NRBP1: variants seen among roughly 807,000 people sequenced by gnomAD.
NRBP1 encodes nuclear receptor-binding protein.
A neutral mutation model predicts 76.0 loss-of-function variants in NRBP1; 10 were observed. The observed-to-expected ratio is 0.13, with a 90% CI of 0.08 to 0.22. NRBP1 has a LOEUF of 0.22. Among genes scored for constraint, NRBP1 ranks in the 10% least tolerant of loss-of-function variants. NRBP1 has a pLI of 1.00. For missense variants in NRBP1, 344 were observed against 646.0 expected, an observed-to-expected ratio of 0.53 and a Z score of 5.07; for synonymous variants, 235 against 240.2, an observed-to-expected ratio of 0.98 and a Z score of 0.20.
In NRBP1 at chr2:27,442,079, T is replaced by C; in HGVS notation, c.*267T>C. On this transcript the variant is annotated 3_prime_UTR_variant, in exon 18 of 18. Transcript: ENST00000379852. ...CTTCTAGTTGGGGGCTAGTCGCTGATCTGCCGGCTCCCGCCCAGCCTGTGT... is the reference window on the plus strand; with the variant it reads ...CTTCTAGTTGGGGGCTAGTCGCTGACCTGCCGGCTCCCGCCCAGCCTGTGT... 1 of 534,070 alleles carries C rather than the reference T, an allele frequency of 1.9e-6. No homozygotes were observed. Among genetic ancestry groups the C allele is most frequent in the Non-Finnish European group, 3.3e-6 (1 of 305,488 alleles). The allele number at this position is 534,070 out of a possible 1,614,324, so 33.1% of individuals were successfully genotyped here.
chr2:27,431,738 G>A (rs1344800721), intron 1 of NRBP1: 1 of 152,272 alleles, frequency 6.6e-6, no homozygotes, highest in Non-Finnish European at 1.5e-5. Context: ...ATTAGCCAAG[G>A]GTTTCAGCTG....
rs568416130 is a variant in NRBP1 at position 27,434,707 on chromosome 2, C to T, written c.526-15C>T. ...AGGGAATTACTGCTGACCCTTGGAT[C>T]CAACTTTGTTCCAGGCATGGAAGCG... On this transcript the variant is annotated splice_polypyrimidine_tract_variant and intron_variant, in intron 5 of 17. Transcript: ENST00000379852. The T allele has an allele frequency of 8.7e-6, 14 of 1,614,146 alleles. No homozygotes were observed. Among genetic ancestry groups the T allele is most frequent in the African/African-American group, 1.3e-5 (1 of 75,048 alleles).
rs1308658497 is a variant in NRBP1 at position 27,440,479 on chromosome 2, A to G, written c.1113A>G (p.Ala371=). Residue 371 remains alanine, a synonymous_variant, in exon 12 of 18, where the codon GCA becomes GCG. Transcript: ENST00000379852. ...GTGCCGTACTGGCTGAAATCCCTGCAGGACCAGGAAGAGAACCAGTTCAGA... is the reference window on the plus strand; with the variant it reads ...GTGCCGTACTGGCTGAAATCCCTGCGGGACCAGGAAGAGAACCAGTTCAGA... ...DTSAVLAEIP[A]GPGREPVQTL... 1.2e-6 allele frequency: 2 copies of G among 1,614,148 alleles called. No individual in the cohort carries two copies. The highest frequency in any genetic ancestry group is 1.7e-6 in the Non-Finnish European group (2 of 1,179,970).
chr2:27,435,213 T>C lies in NRBP1; in HGVS notation c.647T>C (p.Ile216Thr). 1 of 1,613,826 alleles carries C rather than the reference T, an allele frequency of 6.2e-7. No individual in the cohort carries two copies. ...ATCTTCATCCAGCACAACGGACTCA[T>C]CAAGATTGGCTCTGGTGAGGGGAGG... ...DTIFIQHNGL[I>T]KIGSVAPDTI... Residue 216 changes from isoleucine to threonine, a missense_variant, in exon 7 of 18, where the codon ATC becomes ACC. Around this residue, in one of 3 missense-constraint regions of NRBP1, gnomAD observed 73 missense variants for 287.8 expected, o/e 0.25. Transcript: ENST00000379852.
upstream of NRBP1, chr2:27,428,592 TC>T (rs570680013): frequency 2.6e-3 from 1,024 of 396,740 alleles, 2 homozygotes; most frequent in Middle Eastern, 4.4e-3. Context: ...GCACCGCCCA[TC>T]GTTGGTCCGG....
At position 27,442,157 on chromosome 2, in the gene NRBP1, G is replaced by GCGGC. The variant is rs1282156137; in HGVS notation, c.*349_*352dup. The GCGGC allele has an allele frequency of 1.9e-6, 1 of 530,918 alleles. No individual in the cohort carries two copies. The highest frequency in any genetic ancestry group is 2.0e-5 in the African/African-American group (1 of 49,518). The allele number at this position is 530,918 out of a possible 1,614,324, so 32.9% of individuals were successfully genotyped here. A position where few individuals can be genotyped will look rare whatever the true frequency, so the allele number is the denominator to read the frequency against. On this transcript the variant is annotated 3_prime_UTR_variant, in exon 18 of 18. Transcript: ENST00000379852. ...AGCCGAATTCTACAATCCCGCTGGG[G>GCGGC]CGGCCGGGGCGGGAGAGAAAGGTGG...
chr2:27,435,905 T>C lies in NRBP1; in HGVS notation c.661+678T>C, dbSNP rs1664289051. The C allele has an allele frequency of 1.1e-5, 7 of 665,458 alleles. No individual in the cohort carries two copies. In the South Asian group the frequency reaches 1.1e-4, roughly 11 times the overall value. The allele number at this position is 665,458 out of a possible 1,614,324, so 41.2% of individuals were successfully genotyped here. A position where few individuals can be genotyped will look rare whatever the true frequency, so the allele number is the denominator to read the frequency against. Reference sequence around the variant, plus strand: ...TCTGCCCTGCCAGCCCTCCGCCTGCTTGCCCCTTCATAACCTGCTTGTTTC... The same window carrying C: ...TCTGCCCTGCCAGCCCTCCGCCTGCCTGCCCCTTCATAACCTGCTTGTTTC... On this transcript the variant is annotated intron_variant, in intron 7 of 17. Coordinates refer to ENST00000379852, the MANE Select transcript of NRBP1 (RefSeq NM_013392.4).
At chr2:27,435,421 C>A (rs1205715953) in intron 7 of NRBP1, among the ~76,000 whole-genome samples, 194 bp downstream of exon 7, 1 of 152,062 alleles carries the variant, frequency 6.6e-6, no homozygotes, top group Non-Finnish European at 1.5e-5. Context: ...TATAATCTTA[C>A]ACCTTTTTGA....
chr2:27,437,385 T>C, intron 10 of NRBP1, 25 bp downstream of exon 10: 1 of 1,531,756 alleles, frequency 6.5e-7, no homozygotes, highest in Non-Finnish European at 9.0e-7. Flanking sequence ...GATCACTCCC[T>C]CCTCAACTGA....
upstream of NRBP1, chr2:27,427,902 A>C (rs1366141105): frequency 4.6e-5 from 7 of 152,132 alleles, no homozygotes; most frequent in Non-Finnish European, 1.5e-5. Context: ...CTAACTCGAA[A>C]CCAATCTAAA....
chr2:27,436,811 A>C lies in NRBP1; in HGVS notation c.720A>C (p.Leu240=). Residue 240 remains leucine, a synonymous_variant, in exon 8 of 18, where the codon CTA becomes CTC. Transcript: ENST00000379852. ...CTTGTCGAGAAGAGCAGAAGAATCT[A>C]CACTTCTTTGCACCAGAGTATGGAG... The part of the protein sequence containing the change: ...VKTCREEQKN[L]HFFAPEYGEV... 6.2e-7 allele frequency: 1 copy of C among 1,614,100 alleles called. No individual in the cohort carries two copies.
Position 27,439,771 on chromosome 2 carries a change from C to T in NRBP1, c.909C>T (p.Phe303=), listed in dbSNP as rs1350171040. 2 of 1,613,918 alleles carry T rather than the reference C, an allele frequency of 1.2e-6. No homozygotes were observed. The highest frequency in any genetic ancestry group is 1.1e-5 in the South Asian group (1 of 91,048). Residue 303 remains phenylalanine, a synonymous_variant, in exon 11 of 18, where the codon TTC becomes TTT. Coordinates refer to ENST00000379852, the MANE Select transcript of NRBP1 (RefSeq NM_013392.4). ...QLLEDPLQRE[F]IQKCLQSEPA... ...TTCCTTGTTTCCTTTTCTAGGAGTT[C>T]ATTCAAAAGTGCCTGCAGTCTGAGC...
intron 6 of NRBP1, 183 bp downstream of exon 6, chr2:27,434,945 T>C (rs1664249053): frequency 3.0e-6 from 2 of 675,288 alleles, no homozygotes; most frequent in Non-Finnish European, 5.3e-6. Context: ...ACCACGACAC[T>C]TATCTCCTAC....
In NRBP1 at chr2:27,439,722, G is replaced by A. The variant is rs190277937; in HGVS notation, c.904-44G>A. 21 of 1,611,606 alleles carry A rather than the reference G, an allele frequency of 1.3e-5. No individual in the cohort carries two copies. The Admixed American group carries it at 3.2e-4, about 24-fold the overall frequency. On this transcript the variant is annotated intron_variant, in intron 10 of 17. Transcript: ENST00000379852. ...AGAGCTATAAAGATGAACACACTGG[G>A]GGCTTGCCAGATGCCTGCTCCAGTT... is the stretch of plus-strand genomic sequence containing the variant.
chr2:27,431,654 C>A (rs1327278797), intron 1 of NRBP1: 1 of 152,164 alleles, frequency 6.6e-6, no homozygotes, highest in East Asian at 1.9e-4. Context: ...GGTAGCCTCA[C>A]CATGGACTAG....
Position 27,433,287 on chromosome 2 carries a change from A to C in NRBP1, c.14A>C (p.Glu5Ala), listed in dbSNP as rs1279468000. The C allele has an allele frequency of 6.2e-7, 1 of 1,613,582 alleles. No individual in the cohort carries two copies. Among genetic ancestry groups the C allele is most frequent in the East Asian group, 2.2e-5 (1 of 44,872 alleles). The change falls in exon 2 of 18, where the codon GAG becomes GCG. Residue 5 changes from glutamate to alanine, a missense_variant. Around this residue, in one of 3 missense-constraint regions of NRBP1, gnomAD observed 53 missense variants for 48.4 expected, o/e 1.09. Coordinates refer to ENST00000379852, the MANE Select transcript of NRBP1 (RefSeq NM_013392.4). ...GTTCCTTCCAGCATGTCGGAGGGGG[A>C]GTCCCAGACAGTACTTAGCAGTGGC... Reference protein sequence around the residue: MSEGESQTVLSSGSD... With the variant: MSEGASQTVLSSGSD...
chr2:27,440,796 TC>T lies in NRBP1; in HGVS notation c.1194-6del. ...AGAGCCCATGTGACCTGTCTTCATC[TC>T]CCTCCAGGAATGGGATCTATCCTCT... On this transcript the variant is annotated splice_polypyrimidine_tract_variant and splice_region_variant and intron_variant, in intron 13 of 17. Transcript: ENST00000379852. The T allele has an allele frequency of 6.2e-7, 1 of 1,614,058 alleles. No homozygotes were observed. Among genetic ancestry groups the T allele is most frequent in the South Asian group, 1.1e-5 (1 of 91,084 alleles).
At chr2:27,441,477 G>C in intron 16 of NRBP1, 90 bp from the exon 17 acceptor site, 1 of 1,492,520 alleles carries the variant, frequency 6.7e-7, no homozygotes, top group Non-Finnish European at 9.3e-7. Context: ...GGGTGGATCT[G>C]ACTGACAGTT....
chr2:27,433,831 T>C lies in NRBP1; in HGVS notation c.333+36T>C, dbSNP rs1664200249. ...CTGAAAAGGTGAAGCCTGGGGAATG[T>C]TGGAACACTGATGTTAGAGAGGAAT... On this transcript the variant is annotated intron_variant, in intron 3 of 17. Coordinates refer to ENST00000379852, the MANE Select transcript of NRBP1 (RefSeq NM_013392.4). 3.7e-6 allele frequency: 6 copies of C among 1,613,646 alleles called. No individual in the cohort carries two copies. The Admixed American group carries it at 5.0e-5, about 13-fold the overall frequency.
Sources: allele counts gnomAD v4.1 joint callset (sites outside exome capture counted in the v4.1 genomes callset), GRCh38; gene constraint gnomAD v4.1.1; regional missense constraint gnomAD v4.1.1; transcripts MANE v1.5; gene names NCBI Gene and HGNC (gene_info 2026-07-23, HGNC 2026-07-21).